B3GALNT2: variants seen among roughly 807,000 people sequenced by gnomAD.
The protein encoded by B3GALNT2 is UDP-GalNAc:beta-1,3-N-acetylgalactosaminyltransferase 2.
B3GALNT2 carries 53 observed loss-of-function variants against 61.1 expected under a neutral mutation model. The observed-to-expected ratio is 0.87, with a 90% CI of 0.70 to 1.09. The LOEUF (loss-of-function observed/expected upper bound fraction) is 1.09. Among genes scored for constraint, B3GALNT2 ranks in the 50% least tolerant of loss-of-function variants. B3GALNT2 has a pLI of 0.00. For missense variants in B3GALNT2, 544 were observed against 623.0 expected (o/e 0.87, Z 1.35); for synonymous variants, 223 against 237.4 (o/e 0.94, Z 0.56).
rs781287494 is a variant in B3GALNT2 at position 235,458,731 on chromosome 1, A to G, written c.897T>C (p.His299=). Residue 299 remains histidine, a synonymous_variant, in exon 8 of 12, where the codon CAT becomes CAC. Coordinates refer to ENST00000366600, the MANE Select transcript of B3GALNT2 (RefSeq NM_152490.5). Reference sequence around the variant, plus strand: ...CATCTTCCTCATGGAGATTCCTTATATGATCAATAAGTCTTTGAGGGCGAG... The same window carrying G: ...CATCTTCCTCATGGAGATTCCTTATGTGATCAATAAGTCTTTGAGGGCGAG... The part of the protein sequence containing the change: ...LHSRPQRLID[H]IRNLHEEDAL... The G allele has an allele frequency of 1.4e-5, 22 of 1,612,452 alleles. No individual in the cohort carries two copies. Among genetic ancestry groups the G allele is most frequent in the African/African-American group, 9.4e-5 (7 of 74,852 alleles).
At chr1:235,471,646 A>T (rs1479447950) in intron 5 of B3GALNT2, among the ~76,000 whole-genome samples, 1 of 152,144 alleles carries the variant, frequency 6.6e-6, no homozygotes, top group Non-Finnish European at 1.5e-5. Context: ...TTACAAAATG[A>T]TTCCTTATTT....
intron 3 of B3GALNT2, among the ~76,000 whole-genome samples, chr1:235,486,253 G>GGA (rs1684799956): frequency 6.6e-6 from 1 of 152,142 alleles, no homozygotes. Flanking sequence ...GGGAAAAAAG[G>GGA]GAGAATACAG....
downstream of B3GALNT2, among the ~76,000 whole-genome samples, chr1:235,445,148 C>T (rs1463059605): frequency 6.6e-6 from 1 of 152,230 alleles, no homozygotes; most frequent in Non-Finnish European, 1.5e-5. Flanking sequence ...GAATCTGAGT[C>T]CTATATTCTA....
chr1:235,461,972 T>C (rs1683456279), intron 7 of B3GALNT2, among the ~76,000 whole-genome samples: 1 of 152,232 alleles, frequency 6.6e-6, no homozygotes, highest in African/African-American at 2.4e-5. Flanking sequence ...GGAATAGGCT[T>C]TGTGTTAGAT....
Position 235,504,198 on chromosome 1 carries a change from G to C in B3GALNT2, c.55C>G (p.Leu19Val). 1.5e-6 allele frequency: 2 copies of C among 1,373,968 alleles called. No individual in the cohort carries two copies. The highest frequency in any genetic ancestry group is 3.3e-5 in the South Asian group (2 of 60,682). 85.1% of individuals were successfully genotyped at this position (1,373,968 alleles called of 1,614,324 possible). A position where few individuals can be genotyped will look rare whatever the true frequency, so the allele number is the denominator to read the frequency against. ...CPCVLGAALH[L>V]WLRLRSPPPA... Reference sequence around the variant, plus strand: ...GGCGGGGAGCGCAGCCGCAGCCAGAGGTGCAGCGCGGCCCCGAGCACACAC... The same window carrying C: ...GGCGGGGAGCGCAGCCGCAGCCAGACGTGCAGCGCGGCCCCGAGCACACAC... The change falls in exon 1 of 12, where the codon CTC (leucine) becomes GTC (valine). Residue 19 changes from leucine (L) to valine (V), a missense_variant. Leu to Val is a conservative substitution (Grantham distance 32). Transcript: ENST00000366600.
At chr1:235,474,983 A>ATTTTT (rs1558425497) in intron 5 of B3GALNT2, among the ~76,000 whole-genome samples, 10 of 39,008 alleles carry the variant, frequency 2.6e-4, no homozygotes, top group Admixed American at 4.1e-4. Flanking sequence ...ATATATATAT[A>ATTTTT]TATATTTTTT....
chr1:235,483,638 G>A (rs1684658781), intron 4 of B3GALNT2, among the ~76,000 whole-genome samples: 1 of 152,112 alleles, frequency 6.6e-6, no homozygotes, highest in African/African-American at 2.4e-5. Context: ...CAGGTGTGGT[G>A]GCATGCACCT....
chr1:235,471,079 T>C, intron 5 of B3GALNT2, 119 bp from the exon 6 acceptor site: 1 of 1,493,884 alleles, frequency 6.7e-7, no homozygotes, highest in African/African-American at 1.4e-5. Context: ...TTTAAAATTT[T>C]CACCCCATAA....
chr1:235,445,393 C>T (rs1682181884), downstream of B3GALNT2, among the ~76,000 whole-genome samples: 3 of 152,146 alleles, frequency 2.0e-5, no homozygotes, highest in South Asian at 6.2e-4. Context: ...CTTTGGGAGG[C>T]CAAGGTGGGC....
intron 7 of B3GALNT2, among the ~76,000 whole-genome samples, chr1:235,459,134 T>C (rs1469972820): frequency 1.3e-5 from 2 of 150,546 alleles, no homozygotes; most frequent in African/African-American, 2.4e-5. Context: ...CCAACCTAAA[T>C]GTCCACTGAG....
At chr1:235,474,367 C>T (rs1327609679) in intron 5 of B3GALNT2, among the ~76,000 whole-genome samples, 1 of 152,220 alleles carries the variant, frequency 6.6e-6, no homozygotes, top group Non-Finnish European at 1.5e-5. Flanking sequence ...CTGTCTGTAA[C>T]TCCTTTCACG....
chr1:235,461,583 C>A lies in B3GALNT2; in HGVS notation c.842-2797G>T, dbSNP rs1390711823. ...CCAGGCTGGAGTGCAGTAGCGCTAT[C>A]TCGGCTCACTGCAACCTCTGCCTCC... On this transcript the variant is annotated intron_variant, in intron 7 of 11. Transcript: ENST00000366600. Among the ~76,000 whole-genome samples the A allele has an allele frequency of 3.2e-5, 4 of 124,268 alleles. No individual in the cohort carries two copies. In the East Asian group the frequency reaches 1.1e-3, roughly 35 times the overall value. 81.5% of individuals were successfully genotyped at this position (124,268 alleles called of 152,430 possible).
At chr1:235,460,013 G>A (rs912288606) in intron 7 of B3GALNT2, among the ~76,000 whole-genome samples, 6 of 151,948 alleles carry the variant, frequency 3.9e-5, no homozygotes, top group Non-Finnish European at 5.9e-5. Context: ...AGCTGGTCTC[G>A]AACTCCTGAC....
chr1:235,442,786 G>A, downstream of B3GALNT2: 1 of 1,486,538 alleles, frequency 6.7e-7, no homozygotes, highest in Non-Finnish European at 9.3e-7. Context: ...CTGTTGATGT[G>A]TGTGGATAAT....
At chr1:235,470,981 G>C (rs894926443) in intron 5 of B3GALNT2, 21 bp from the exon 6 acceptor site, 3 of 1,611,684 alleles carry the variant, frequency 1.9e-6, no homozygotes, top group Non-Finnish European at 2.5e-6. Flanking sequence ...AAGATGAATA[G>C]TGAGTCAATT....
intron 1 of B3GALNT2, among the ~76,000 whole-genome samples, chr1:235,498,666 C>T (rs1051972831): frequency 6.6e-6 from 1 of 151,400 alleles, no homozygotes; most frequent in South Asian, 2.1e-4. Flanking sequence ...TATGGTGAAA[C>T]CTCATCTCTA....
the B3GALNT2 span, chr1:235,441,294 G>A: frequency 6.1e-6 from 1 of 162,696 alleles, no homozygotes; most frequent in African/African-American, 2.4e-5. Context: ...CCAGGCCTAG[G>A]AACTGGTTTG....
intron 1 of B3GALNT2, among the ~76,000 whole-genome samples, chr1:235,503,901 T>G (rs1685700274): frequency 6.6e-6 from 1 of 152,182 alleles, no homozygotes; most frequent in Admixed American, 6.5e-5. Context: ...GGGCGCCGGC[T>G]CTGCGGGCGT....
chr1:235,465,818 G>GATAA lies in B3GALNT2; in HGVS notation c.763-108_763-105dup. On this transcript the variant is annotated intron_variant, in intron 6 of 11. Coordinates refer to ENST00000366600, the MANE Select transcript of B3GALNT2 (RefSeq NM_152490.5). Reference sequence around the variant, plus strand: ...TCATAATATGACTCCACTTGCAGCAGATAAATGCATGTAAGATGCTGGTGC... The same window carrying GATAA: ...TCATAATATGACTCCACTTGCAGCAGATAAATAAATGCATGTAAGATGCTGGTGC... 2.3e-6 allele frequency: 3 copies of GATAA among 1,326,682 alleles called. No homozygotes were observed. The Admixed American group carries it at 5.8e-5, about 26-fold the overall frequency. The allele number at this position is 1,326,682 out of a possible 1,614,324, so 82.2% of individuals were successfully genotyped here.
Sources: gnomAD v4.1 joint callset for allele counts (sites outside exome capture counted in the v4.1 genomes callset) on GRCh38, gnomAD v4.1.1 for gene constraint, MANE v1.5 for transcripts, NCBI Gene and HGNC (gene_info 2026-07-23, HGNC 2026-07-21) for gene names.